ZNF529: variants seen among roughly 807,000 people sequenced by gnomAD.
ZNF529 encodes zinc finger protein 529.
In ZNF529, 11 loss-of-function variants were observed where a neutral mutation model predicts 10.1. That is an observed-to-expected ratio of 1.09 (90% confidence interval 0.69 to 1.81). ZNF529 has a LOEUF of 1.81. Among genes scored for constraint, ZNF529 ranks in the 40% most tolerant of loss-of-function variants. The pLI is 0.00. For missense variants in ZNF529, 624 were observed against 666.8 expected (o/e 0.94, Z 0.71); for synonymous variants, 204 against 215.7 (o/e 0.95, Z 0.47).
chr19:36,580,802 G>GA (rs998256960), intron 2 of ZNF529: 2 of 151,862 alleles, frequency 1.3e-5, no homozygotes, highest in Non-Finnish European at 2.9e-5. Flanking sequence ...CAAATATTCA[G>GA]AAAAAACACA....
chr19:36,601,681 CT>C (rs2036925929), intron 1 of ZNF529, among the ~76,000 whole-genome samples: 1 of 151,782 alleles, frequency 6.6e-6, no homozygotes, highest in South Asian at 2.1e-4. Context: ...CATAAAAATC[CT>C]TTGAAATTGG....
intron 4 of ZNF529, among the ~76,000 whole-genome samples, chr19:36,549,157 A>C (rs1236097680): frequency 2.0e-5 from 3 of 152,156 alleles, no homozygotes; most frequent in Non-Finnish European, 4.4e-5. Context: ...TAAAGTCTCA[A>C]GATACCCTCA....
intron 1 of ZNF529, among the ~76,000 whole-genome samples, chr19:36,602,042 G>A (rs527737789): frequency 4.5e-4 from 58 of 128,524 alleles, no homozygotes; most frequent in African/African-American, 1.7e-3. Context: ...CACTGCACCT[G>A]AACGCTACAA....
intron 2 of ZNF529, among the ~76,000 whole-genome samples, chr19:36,560,936 A>G (rs1568589581): frequency 6.6e-6 from 1 of 152,230 alleles, no homozygotes; most frequent in East Asian, 1.9e-4. Context: ...TCTCAGCCTA[A>G]GCATGTAAAT....
At chr19:36,598,366 C>T (rs1239395202) in intron 1 of ZNF529, among the ~76,000 whole-genome samples, 8 of 151,784 alleles carry the variant, frequency 5.3e-5, no homozygotes, top group Non-Finnish European at 1.0e-4. Context: ...AAATATTAGC[C>T]GGGCCGAGTG....
chr19:36,596,512 A>G (rs1357031467), intron 1 of ZNF529, among the ~76,000 whole-genome samples: 2 of 149,508 alleles, frequency 1.3e-5, no homozygotes, highest in East Asian at 2.0e-4. Context: ...TTTTGCTTTC[A>G]ACTTTTTTTT....
At position 36,556,160 on chromosome 19, in the gene ZNF529, C is replaced by T; in HGVS notation, c.52G>A (p.Val18Ile). Residue 18 changes from valine to isoleucine, a missense_variant, in exon 3 of 5, where the codon GTC becomes ATC. Physicochemically the swap from Val to Ile is conservative, Grantham distance 29. Transcript: ENST00000591340. ...TCAGGGAATTCCACTTCTGGCATGA[C>T]AGCATGAGGAGCTCCATGGACATGA... ...GDHVHGAPHA[V>I]MPEVEFPDQF... 1 of 1,448,098 alleles carries T rather than the reference C, an allele frequency of 6.9e-7. No homozygotes were observed. Among genetic ancestry groups the T allele is most frequent in the Non-Finnish European group, 9.5e-7 (1 of 1,052,470 alleles). 89.7% of individuals were successfully genotyped at this position (1,448,098 alleles called of 1,614,324 possible).
At position 36,554,662 on chromosome 19, in the gene ZNF529, A is replaced by C. The variant is rs1203451059; in HGVS notation, c.235+8T>G. ...ATATTCTAAGTTATTTAAGGCAGATAAATTTACCCAGTGAGAGTAAGTTGC... is the reference window on the plus strand; with the variant it reads ...ATATTCTAAGTTATTTAAGGCAGATCAATTTACCCAGTGAGAGTAAGTTGC... On this transcript the variant is annotated splice_region_variant and intron_variant, in intron 4 of 4. Coordinates refer to ENST00000591340, the MANE Select transcript of ZNF529 (RefSeq NM_020951.5). 6.5e-7 allele frequency: 1 copy of C among 1,543,122 alleles called. No homozygotes were observed. The highest frequency in any genetic ancestry group is 2.0e-5 in the Admixed American group (1 of 50,356).
At chr19:36,587,680 TAAAA>T (rs1186276038) in intron 2 of ZNF529, among the ~76,000 whole-genome samples, 2 of 152,128 alleles carry the variant, frequency 1.3e-5, no homozygotes, top group South Asian at 2.1e-4. Context: ...TATTCAGTCA[TAAAA>T]AGAAAGTAAT....
In ZNF529 at chr19:36,546,752, C is replaced by G; in HGVS notation, c.*114G>C. On this transcript the variant is annotated 3_prime_UTR_variant, in exon 5 of 5. Transcript: ENST00000591340. Reference sequence around the variant, plus strand: ...TCTACATACAGAATGACCATGAAGTCTAAAAACAGACTTTAAGAGAGGGAG... The same window carrying G: ...TCTACATACAGAATGACCATGAAGTGTAAAAACAGACTTTAAGAGAGGGAG... The G allele has an allele frequency of 8.6e-7, 1 of 1,161,262 alleles. No homozygotes were observed. The highest frequency in any genetic ancestry group is 1.2e-6 in the Non-Finnish European group (1 of 831,194). The allele number at this position is 1,161,262 out of a possible 1,614,324, so 71.9% of individuals were successfully genotyped here.
intron 1 of ZNF529, among the ~76,000 whole-genome samples, chr19:36,602,487 C>T (rs1424699681): frequency 6.6e-6 from 1 of 151,100 alleles, no homozygotes; most frequent in Admixed American, 6.6e-5. Flanking sequence ...AAGTTAAAAC[C>T]AATCAGTTCA....
chr19:36,549,238 C>T (rs2035170945), intron 4 of ZNF529, among the ~76,000 whole-genome samples: 2 of 152,104 alleles, frequency 1.3e-5, no homozygotes, highest in African/African-American at 4.8e-5. Flanking sequence ...GCCTTACCCT[C>T]ATATATATTT....
In ZNF529 at chr19:36,554,796, C is replaced by T. The variant is rs1436625208; in HGVS notation, c.109G>A (p.Glu37Lys). The T allele has an allele frequency of 2.6e-6, 4 of 1,550,228 alleles. No individual in the cohort carries two copies. The highest frequency in any genetic ancestry group is 1.7e-4 in the Middle Eastern group (1 of 5,872). ...ACCACATCCCTGAGTGTCACCAGTT[C>T]CTGAAACAACAAACCCGTACATTAC... ...QFFTVLTMDH[E>K]LVTLRDVVIN... The change falls in exon 4 of 5, where the codon GAA becomes AAA. Residue 37 changes from glutamate to lysine, a missense_variant and splice_region_variant. Coordinates refer to ENST00000591340, the MANE Select transcript of ZNF529 (RefSeq NM_020951.5).
At chr19:36,603,748 C>T (rs1218223029) in intron 1 of ZNF529, among the ~76,000 whole-genome samples, 1 of 152,186 alleles carries the variant, frequency 6.6e-6, no homozygotes, top group African/African-American at 2.4e-5. Flanking sequence ...ATATTGTTGA[C>T]TCTTCCCTTC....
At chr19:36,561,342 G>C (rs891483957) in intron 2 of ZNF529, among the ~76,000 whole-genome samples, 1 of 151,948 alleles carries the variant, frequency 6.6e-6, no homozygotes, top group Non-Finnish European at 1.5e-5. Context: ...AGTGTGCAGA[G>C]TGCACAAGAT....
rs1378943567 is a variant in ZNF529, at chr19:36,582,784, AAAC to A, written c.-41+6828_-41+6830del. 4 of 152,230 alleles carry A rather than the reference AAAC, an allele frequency of 2.6e-5. No homozygotes were observed. The East Asian group carries it at 7.7e-4, about 29-fold the overall frequency. The allele number at this position is 152,230 out of a possible 1,614,324, so 9.4% of individuals were successfully genotyped here. ...AAGCAGACCATTAAGAAAATGAACA[AAAC>A]AACAAGTTTATGTGAAGGTATTTTA... On this transcript the variant is annotated intron_variant, in intron 2 of 4. Transcript: ENST00000585960.
intron 4 of ZNF529, among the ~76,000 whole-genome samples, chr19:36,554,175 C>T (rs141368432): frequency 8.1e-4 from 124 of 152,230 alleles, no homozygotes; most frequent in Middle Eastern, 3.4e-3. Flanking sequence ...ATATGAAGGG[C>T]CTAAGAAGGT....
At chr19:36,572,454 TG>T in intron 1 of ZNF529, 62 bp from the exon 2 acceptor site, 1 of 1,324,040 alleles carries the variant, frequency 7.6e-7, no homozygotes, top group Non-Finnish European at 1.0e-6. Context: ...AAGAACACAG[TG>T]TTCACCACCA....
At position 36,570,892 on chromosome 19, in the gene ZNF529, T is replaced by A. The variant is rs577199291; in HGVS notation, c.14+1441A>T. Among the ~76,000 whole-genome samples the A allele has an allele frequency of 3.3e-5, 5 of 152,324 alleles. No individual in the cohort carries two copies. The South Asian group carries it at 1.0e-3, about 32-fold the overall frequency. On this transcript the variant is annotated intron_variant, in intron 2 of 4. Coordinates refer to ENST00000591340, the MANE Select transcript of ZNF529 (RefSeq NM_020951.5). ...GCCTTTATTAAATTCTCTAGGTTTA[T>A]GTCCATATTAATGTATCCAGGCCTC...
Sources: allele counts gnomAD v4.1 joint callset (sites outside exome capture counted in the v4.1 genomes callset), GRCh38; gene constraint gnomAD v4.1.1; transcripts MANE v1.5; gene names NCBI Gene and HGNC (gene_info 2026-07-23, HGNC 2026-07-21).